The following NR3C2 variants were observed in gnomAD, a reference collection of about 807,000 sequenced individuals.
The protein encoded by NR3C2 is nuclear receptor subfamily 3 group C member 2, also known as mineralocorticoid receptor.
A neutral mutation model predicts 86.4 loss-of-function variants in NR3C2; 15 were observed. That is an observed-to-expected ratio of 0.17 (90% CI 0.12 to 0.27). The LOEUF (loss-of-function observed/expected upper bound fraction) is 0.27. Ranked by LOEUF, NR3C2 falls within the 10% of genes least tolerant of loss-of-function variation. The pLI is 1.00. For synonymous variants in NR3C2, 458 were observed against 450.5 expected, an observed-to-expected ratio of 1.02 and a Z score of -0.21; for missense variants, 960 against 1,195.6, an observed-to-expected ratio of 0.80 and a Z score of 2.91.
chr4:148,375,840 G>C (rs1273007713), intron 2 of NR3C2, among the ~76,000 whole-genome samples: 1 of 152,086 alleles, frequency 6.6e-6, no homozygotes. Context: ...AGTTACTAAT[G>C]TCAAAAATAA....
chr4:148,349,964 T>C (rs1458673853), intron 2 of NR3C2, among the ~76,000 whole-genome samples: 2 of 152,148 alleles, frequency 1.3e-5, no homozygotes, highest in African/African-American at 4.8e-5. Context: ...GCAAAACAAG[T>C]GTCCTGTTAT....
chr4:148,417,705 G>A (rs902146087), intron 2 of NR3C2, among the ~76,000 whole-genome samples: 4 of 152,002 alleles, frequency 2.6e-5, no homozygotes, highest in Non-Finnish European at 5.9e-5. Context: ...AACTCTCATG[G>A]GCCTTTTCCC....
At chr4:148,384,762 G>T (rs1747180488) in intron 2 of NR3C2, among the ~76,000 whole-genome samples, 1 of 152,102 alleles carries the variant, frequency 6.6e-6, no homozygotes, top group Non-Finnish European at 1.5e-5. Flanking sequence ...ATACAACCTT[G>T]AATTACTGTT....
chr4:148,290,461 A>G (rs1283733826), intron 2 of NR3C2, among the ~76,000 whole-genome samples: 3 of 152,216 alleles, frequency 2.0e-5, no homozygotes, highest in Non-Finnish European at 4.4e-5. Flanking sequence ...AATGTGAGAT[A>G]GTAAAGGTTG....
intron 3 of NR3C2, among the ~76,000 whole-genome samples, chr4:148,230,189 T>C (rs546162348): frequency 2.6e-5 from 4 of 152,148 alleles, no homozygotes; most frequent in African/African-American, 9.6e-5. Flanking sequence ...AACGCACTTT[T>C]TGTTTGTTTG....
At chr4:148,236,285 T>C (rs141868752) in intron 3 of NR3C2, among the ~76,000 whole-genome samples, 1 of 152,350 alleles carries the variant, frequency 6.6e-6, no homozygotes, top group African/African-American at 2.4e-5. Context: ...GCTTCTGGTA[T>C]GTTTCTATAG....
rs80064893 is a variant in NR3C2 at position 148,387,991 on chromosome 4, A to G, written c.1757+47113T>C. Among the ~76,000 whole-genome samples, 73 of 152,334 alleles carry G rather than the reference A, an allele frequency of 4.8e-4. No individual in the cohort carries two copies. In the East Asian group the frequency reaches 0.014, roughly 28 times the overall value. On this transcript the variant is annotated intron_variant, in intron 2 of 8. Transcript: ENST00000358102. ...ACACATCACTGAAAATCTTGCCACT[A>G]CACTGCATTTCTAATAAGTCAGTTT...
At chr4:148,323,131 C>A (rs1743718861) in intron 2 of NR3C2, among the ~76,000 whole-genome samples, 1 of 149,844 alleles carries the variant, frequency 6.7e-6, no homozygotes, top group Non-Finnish European at 1.5e-5. Flanking sequence ...TGTTGGAATA[C>A]CCTGCCCTGT....
intron 4 of NR3C2, among the ~76,000 whole-genome samples, chr4:148,181,561 T>C (rs560328883): frequency 1.3e-5 from 2 of 152,330 alleles, no homozygotes; most frequent in African/African-American, 2.4e-5. Flanking sequence ...CTAAAAGGCA[T>C]GTATAGACCA....
chr4:148,253,211 A>T (rs1396665502), intron 3 of NR3C2, among the ~76,000 whole-genome samples: 2 of 152,192 alleles, frequency 1.3e-5, no homozygotes, highest in Non-Finnish European at 2.9e-5. Context: ...ACCTGCTGCA[A>T]GCTGGGTGTT....
chr4:148,119,155 C>T (rs1732398479), intron 7 of NR3C2, among the ~76,000 whole-genome samples: 1 of 152,188 alleles, frequency 6.6e-6, no homozygotes, highest in South Asian at 2.1e-4. Context: ...CTAATCCACA[C>T]CCCAATCTTA....
chr4:148,091,094 CG>C (rs148317302), intron 8 of NR3C2, among the ~76,000 whole-genome samples: 120 of 152,348 alleles, frequency 7.9e-4, no homozygotes, highest in African/African-American at 2.8e-3. Flanking sequence ...CAGCAGCTAC[CG>C]GAAGTGCTGG....
intron 2 of NR3C2, among the ~76,000 whole-genome samples, chr4:148,324,639 A>T (rs1579160552): frequency 6.6e-6 from 1 of 152,308 alleles, no homozygotes; most frequent in African/African-American, 2.4e-5. Flanking sequence ...ATACTGTATT[A>T]TATACTTGAA....
intron 7 of NR3C2, among the ~76,000 whole-genome samples, chr4:148,117,312 T>C (rs575464877): frequency 6.6e-5 from 10 of 152,310 alleles, no homozygotes; most frequent in African/African-American, 1.9e-4. Context: ...TGGCCCCACC[T>C]CCCTACCAGG....
intron 3 of NR3C2, among the ~76,000 whole-genome samples, chr4:148,252,053 C>T (rs1739603281): frequency 6.6e-6 from 1 of 152,106 alleles, no homozygotes; most frequent in South Asian, 2.1e-4. Context: ...TTCCTTCTTA[C>T]TGGGTGACCT....
chr4:148,166,404 G>GCCTGC (rs998101371), intron 4 of NR3C2, among the ~76,000 whole-genome samples: 1 of 152,168 alleles, frequency 6.6e-6, no homozygotes, highest in African/African-American at 2.4e-5. Flanking sequence ...AGACACACAG[G>GCCTGC]CCTGCCCTGC....
At chr4:148,315,206 C>G (rs574400170) in intron 2 of NR3C2, among the ~76,000 whole-genome samples, 18 of 152,258 alleles carry the variant, frequency 1.2e-4, no homozygotes, top group Middle Eastern at 3.4e-3. Flanking sequence ...GTAGGGTCTT[C>G]CCATGGTTGA....
chr4:148,248,506 T>C (rs1330330916), intron 3 of NR3C2, among the ~76,000 whole-genome samples: 2 of 152,226 alleles, frequency 1.3e-5, no homozygotes, highest in African/African-American at 2.4e-5. Flanking sequence ...TAAAAAGTAG[T>C]TGTGATCTTC....
intron 2 of NR3C2, among the ~76,000 whole-genome samples, chr4:148,433,053 G>T (rs891826635): frequency 1.3e-5 from 2 of 152,138 alleles, no homozygotes; most frequent in African/African-American, 2.4e-5. Context: ...CTCAAGAGGA[G>T]ACACAAGACA....
Sources: gnomAD v4.1 joint callset for allele counts (sites outside exome capture counted in the v4.1 genomes callset) on GRCh38, gnomAD v4.1.1 for gene constraint, MANE v1.5 for transcripts, NCBI Gene and HGNC (gene_info 2026-07-23, HGNC 2026-07-21) for gene names.